The following L1CAM variants were observed in gnomAD, a reference collection of about 807,000 sequenced individuals.
L1CAM encodes the protein neural cell adhesion molecule L1.
L1CAM carries 8 observed loss-of-function variants against 93.0 expected under a neutral mutation model. The ratio of observed to expected loss-of-function variants is 0.09; its 90% CI spans 0.05 to 0.16. The LOEUF (loss-of-function observed/expected upper bound fraction) is 0.16, where lower values mean the gene tolerates loss of function less well. L1CAM is among the 10% of genes least tolerant of loss of function. The pLI is 1.00. For missense variants in L1CAM, 777 were observed against 1,073.4 expected (o/e 0.72, Z 3.86); for synonymous variants, 453 against 453.0 (o/e 1.00, Z 0.00).
chrX:153,867,704 G>A, intron 16 of L1CAM, 96 bp downstream of exon 16: 1 of 979,490 alleles, frequency 1.0e-6, no homozygotes, highest in Non-Finnish European at 1.5e-6. Flanking sequence ...CCCAAACCGT[G>A]TCCCCCCAGG....
At chrX:153,881,459 G>A in intron 1 of L1CAM, among the ~76,000 whole-genome samples, 1 of 111,791 alleles carries the variant, frequency 8.9e-6, no homozygotes, top group Non-Finnish European at 1.9e-5. Flanking sequence ...TTGCCAGGCA[G>A]ATGGCAGGCA....
chrX:153,882,077 G>C (rs1603278464), intron 1 of L1CAM, among the ~76,000 whole-genome samples: 2 of 111,097 alleles, frequency 1.8e-5, no homozygotes, highest in East Asian at 5.7e-4. Flanking sequence ...AGCCTGTGTT[G>C]GTTTGCGGGG....
At chrX:153,885,445 G>A (rs1557096710) in intron 1 of L1CAM, 3 of 970,703 alleles carry the variant, frequency 3.1e-6, no homozygotes, top group South Asian at 4.0e-5. Flanking sequence ...GGGTGAGCCC[G>A]GAGGAGCCCA....
intron 3 of L1CAM, 110 bp downstream of exon 3, chrX:153,873,118 G>T: frequency 1.3e-6 from 1 of 751,820 alleles, no homozygotes; most frequent in Non-Finnish European, 2.1e-6. Flanking sequence ...CTCAGGGAGA[G>T]CCGAGCAGGG....
rs781850968 is a variant in L1CAM at position 153,872,875 on chromosome X, A to G, written c.92-178T>C. 3.3e-5 allele frequency: 16 copies of G among 478,453 alleles called. No individual in the cohort carries two copies. In the African/African-American group the frequency reaches 3.6e-4, roughly 11 times the overall value. The allele number at this position is 478,453 out of a possible 1,213,427, so 39.4% of individuals were successfully genotyped here. A position where few individuals can be genotyped will look rare whatever the true frequency, so the allele number is the denominator to read the frequency against. On this transcript the variant is annotated intron_variant, in intron 3 of 28. Coordinates refer to ENST00000370060, the MANE Select transcript of L1CAM (RefSeq NM_001278116.2). ...TTGTGGGACATGAAAAGAGGGAGAG[A>G]GGGGACAGCCACGTAAGTTACAAAG...
intron 1 of L1CAM, among the ~76,000 whole-genome samples, chrX:153,881,919 A>T (rs1280595470): frequency 9.0e-6 from 1 of 111,525 alleles, no homozygotes; most frequent in Non-Finnish European, 1.9e-5. Flanking sequence ...AGCTAGGATG[A>T]CCCTAGCACT....
chrX:153,870,905 G>A lies in L1CAM; in HGVS notation c.579C>T (p.Leu193=), dbSNP rs782412970. Reference sequence around the variant, plus strand: ...CGGAGGTGAGCACATTGGCAAAGTAGAGGTTGCCGTTCTGGCCCATCGTCA... The same window carrying A: ...CGGAGGTGAGCACATTGGCAAAGTAAAGGTTGCCGTTCTGGCCCATCGTCA... ...ERVTMGQNGN[L]YFANVLTSDN... Residue 193 remains leucine, a synonymous_variant, in exon 7 of 29, where the codon CTC becomes CTT. Transcript: ENST00000370060. 2 of 1,211,246 alleles carry A rather than the reference G, an allele frequency of 1.7e-6. No individual in the cohort carries two copies. The highest frequency in any genetic ancestry group is 1.8e-5 in the South Asian group (1 of 56,956).
At chrX:153,881,025 G>A (rs1341103649) in intron 1 of L1CAM, among the ~76,000 whole-genome samples, 1 of 112,232 alleles carries the variant, frequency 8.9e-6, no homozygotes, top group Non-Finnish European at 1.9e-5. Context: ...CAGGGAGGAC[G>A]GTCTTGACTA....
intron 5 of L1CAM, among the ~76,000 whole-genome samples, chrX:153,871,472 G>C (rs1020661132): frequency 1.8e-5 from 2 of 110,122 alleles, no homozygotes; most frequent in Non-Finnish European, 3.8e-5. Context: ...AGGACGGGTG[G>C]GGGGAGGCTG....
chrX:153,878,141 C>T (rs1183144000), intron 1 of L1CAM, among the ~76,000 whole-genome samples: 4 of 112,577 alleles, frequency 3.6e-5, no homozygotes, highest in African/African-American at 1.3e-4. Flanking sequence ...CCAGACTAGA[C>T]GCCTTCATTA....
At chrX:153,872,481 G>A in intron 4 of L1CAM, 111 bp downstream of exon 4, 2 of 936,410 alleles carry the variant, frequency 2.1e-6, no homozygotes, top group Middle Eastern at 2.8e-4. Flanking sequence ...GAGGACTTGG[G>A]GTGATTAGCA....
chrX:153,885,968 G>GAC, intron 1 of L1CAM, 97 bp downstream of exon 1: 1 of 671,375 alleles, frequency 1.5e-6, no homozygotes, highest in Non-Finnish European at 1.7e-6. Flanking sequence ...GACCGGGCCG[G>GAC]GACTCCCTGG....
At chrX:153,873,334 G>A in intron 2 of L1CAM, 92 bp from the exon 3 acceptor site, 2 of 920,824 alleles carry the variant, frequency 2.2e-6, no homozygotes, top group African/African-American at 1.9e-5. Context: ...GACATAGTAA[G>A]CTCCTGCAGC....
intron 1 of L1CAM, chrX:153,880,540 T>C (rs1354615795): frequency 3.2e-6 from 1 of 317,114 alleles, no homozygotes; most frequent in Non-Finnish European, 6.3e-6. Flanking sequence ...GCTGGGCCCA[T>C]GTGCTTGCAG....
Position 153,867,425 on chromosome X carries a change from T to C in L1CAM, c.2068A>G (p.Thr690Ala), listed in dbSNP as rs2148495594. 1 of 1,210,411 alleles carries C rather than the reference T, an allele frequency of 8.3e-7. No individual in the cohort carries two copies. Among genetic ancestry groups the C allele is most frequent in the Non-Finnish European group, 1.1e-6 (1 of 894,171 alleles). ...SPYVHYTFRV[T>A]AINKYGPGEP... ...CCGGGGCCATATTTGTTTATGGCAG[T>C]AACCCTAAAGGTGTAGTGGACATAG... Residue 690 changes from threonine to alanine, a missense_variant, in exon 17 of 29, where the codon ACT (threonine) becomes GCT (alanine). Physicochemically the swap from Thr to Ala is moderately conservative, Grantham distance 58. Coordinates refer to ENST00000370060, the MANE Select transcript of L1CAM (RefSeq NM_001278116.2).
Position 153,862,836 on chromosome X carries a change from G to T in L1CAM, c.3601C>A (p.Pro1201Thr), listed in dbSNP as rs373984208. ...SQPSLNGDIK[P>T]LGSDDSLADY... Reference sequence around the variant, plus strand: ...GCCAGGCTGTCGTCACTGCCCAGGGGCTTGATGTCCCCGTTGAGCGATGGC... The same window carrying T: ...GCCAGGCTGTCGTCACTGCCCAGGGTCTTGATGTCCCCGTTGAGCGATGGC... Residue 1201 changes from proline to threonine, a missense_variant, in exon 29 of 29, where the codon CCC becomes ACC. By Grantham distance (38) the Pro-to-Thr change is conservative (BLOSUM62 -1). Coordinates refer to ENST00000370060, the MANE Select transcript of L1CAM (RefSeq NM_001278116.2). 2 of 1,211,158 alleles carry T rather than the reference G, an allele frequency of 1.7e-6. No individual in the cohort carries two copies. Among genetic ancestry groups the T allele is most frequent in the Non-Finnish European group, 2.2e-6 (2 of 895,366 alleles).
In L1CAM at chrX:153,861,725, T is replaced by TATCA. The variant is rs1417777077; in HGVS notation, c.*934_*937dup. 2 of 110,275 alleles carry TATCA rather than the reference T, an allele frequency of 1.8e-5. No homozygotes were observed. The highest frequency in any genetic ancestry group is 3.8e-5 in the Non-Finnish European group (2 of 52,755). 9.1% of individuals were successfully genotyped at this position (110,275 alleles called of 1,213,427 possible). On this transcript the variant is annotated 3_prime_UTR_variant, in exon 29 of 29. Coordinates refer to ENST00000370060, the MANE Select transcript of L1CAM (RefSeq NM_001278116.2). ...GGATGGGTTCATCAAAGCTAATTGC[T>TATCA]ATCAATCCTAGAAACCACCTAGGGA...
At chrX:153,882,058 G>A (rs1199805264) in intron 1 of L1CAM, among the ~76,000 whole-genome samples, 1 of 111,186 alleles carries the variant, frequency 9.0e-6, no homozygotes, top group Non-Finnish European at 1.9e-5. Context: ...CAGCAGTCCT[G>A]GGATACCTAG....
At chrX:153,863,345 C>G in intron 28 of L1CAM, 23 bp downstream of exon 28, 1 of 1,207,410 alleles carries the variant, frequency 8.3e-7, no homozygotes, top group Non-Finnish European at 1.1e-6. Context: ...GCTGTTGGCC[C>G]CTCCCCACCG....
Sources: allele counts gnomAD v4.1 joint callset (sites outside exome capture counted in the v4.1 genomes callset), GRCh38; gene constraint gnomAD v4.1.1; transcripts MANE v1.5; gene names NCBI Gene and HGNC (gene_info 2026-07-23, HGNC 2026-07-21).